The following PIK3C2G variants were observed in gnomAD, a reference collection of about 807,000 sequenced individuals.
PIK3C2G encodes the protein phosphatidylinositol 3-kinase C2 domain-containing subunit gamma.
Under a neutral mutation model 181.1 loss-of-function variants are expected in PIK3C2G, and 168 were observed. The observed-to-expected ratio is 0.93, with a 90% CI of 0.82 to 1.05. The LOEUF (loss-of-function observed/expected upper bound fraction) is 1.05, where lower values mean the gene tolerates loss of function less well. PIK3C2G is among the 50% of genes least tolerant of loss of function. The pLI, the probability that PIK3C2G is intolerant of heterozygous loss-of-function variation, is 0.00. For synonymous variants in PIK3C2G, 573 were observed against 592.2 expected, an observed-to-expected ratio of 0.97 and a Z score of 0.47; for missense variants, 1,869 against 1,732.8, an observed-to-expected ratio of 1.08 and a Z score of -1.40.
At chr12:18,255,055 C>T (rs1948130452) in intron 1 of PIK3C2G, among the ~76,000 whole-genome samples, 1 of 151,394 alleles carries the variant, frequency 6.6e-6, no homozygotes, top group Admixed American at 6.6e-5. Flanking sequence ...ATGGTGAAAC[C>T]CCGTCTGTAC....
chr12:18,568,689 A>G (rs1945769887), intron 29 of PIK3C2G, among the ~76,000 whole-genome samples: 1 of 152,156 alleles, frequency 6.6e-6, no homozygotes, highest in Non-Finnish European at 1.5e-5. Flanking sequence ...CATCCAAAAA[A>G]ACACTTTCAC....
At chr12:18,451,142 A>G (rs991716812) in intron 18 of PIK3C2G, among the ~76,000 whole-genome samples, 1 of 152,212 alleles carries the variant, frequency 6.6e-6, no homozygotes, top group African/African-American at 2.4e-5. Context: ...TGGGAATAAC[A>G]TTGAATCTAC....
intron 18 of PIK3C2G, among the ~76,000 whole-genome samples, chr12:18,475,137 A>G (rs1484244272): frequency 6.6e-6 from 1 of 152,232 alleles, no homozygotes; most frequent in South Asian, 2.1e-4. Flanking sequence ...AGCCACCGAT[A>G]GATTATTATA....
chr12:18,290,831 T>C, intron 3 of PIK3C2G, 24 bp from the exon 4 acceptor site: 1 of 1,513,148 alleles, frequency 6.6e-7, no homozygotes, highest in Non-Finnish European at 9.1e-7. Flanking sequence ...GTCCTAAGTA[T>C]TTTTCTTAAC....
chr12:18,381,727 G>C, intron 13 of PIK3C2G, 39 bp from the exon 14 acceptor site: 1 of 1,158,750 alleles, frequency 8.6e-7, no homozygotes, highest in Non-Finnish European at 1.3e-6. Flanking sequence ...CCCTCATGAA[G>C]TGACTCCTGT....
chr12:18,365,335 C>T (rs1029262103), intron 12 of PIK3C2G, among the ~76,000 whole-genome samples: 1 of 152,220 alleles, frequency 6.6e-6, no homozygotes, highest in African/African-American at 2.4e-5. Context: ...CATTTCTTTT[C>T]TCTGCTTTGT....
rs574044607 is a variant in PIK3C2G, at chr12:18,248,681, T to C, written c.-79+599T>C. On this transcript the variant is annotated intron_variant, in intron 1 of 11. Transcript: ENST00000535651. ...TGCTCCTTAAGATCATCATATTTCT[T>C]ATGTATGTAAAGTCATTTATATATG... 6.6e-5 allele frequency among the ~76,000 whole-genome samples: 10 copies of C among 152,334 alleles called. No individual in the cohort carries two copies. The South Asian group carries it at 2.1e-3, about 32-fold the overall frequency.
the PIK3C2G span, among the ~76,000 whole-genome samples, chr12:18,667,006 A>G: frequency 1.3e-5 from 2 of 152,188 alleles, no homozygotes; most frequent in Non-Finnish European, 2.9e-5. Flanking sequence ...AACTAAAAAT[A>G]CCGTTTCTCA....
chr12:18,693,652 A>G, the PIK3C2G span: 1 of 1,565,730 alleles, frequency 6.4e-7, no homozygotes, highest in African/African-American at 1.4e-5. Flanking sequence ...CCATTGGGAC[A>G]AAAAGATATG....
At chr12:18,461,041 A>C (rs1947893200) in intron 18 of PIK3C2G, among the ~76,000 whole-genome samples, 1 of 152,160 alleles carries the variant, frequency 6.6e-6, no homozygotes, top group African/African-American at 2.4e-5. Context: ...AGTGTACCTC[A>C]GTGGTAAATA....
intron 11 of PIK3C2G, chr12:18,359,091 A>C (rs1204898750): frequency 1.3e-5 from 2 of 152,172 alleles, no homozygotes; most frequent in Admixed American, 1.3e-4. Context: ...GGTGGATCTC[A>C]ATGGCAGCCA....
At chr12:18,430,192 T>C (rs999339068) in intron 18 of PIK3C2G, among the ~76,000 whole-genome samples, 1 of 152,212 alleles carries the variant, frequency 6.6e-6, no homozygotes, top group Admixed American at 6.5e-5. Flanking sequence ...TATGTGTTTT[T>C]AGAAACTGGA....
At chr12:18,320,654 A>C (rs1373336695) in intron 6 of PIK3C2G, among the ~76,000 whole-genome samples, 1 of 152,232 alleles carries the variant, frequency 6.6e-6, no homozygotes, top group Non-Finnish European at 1.5e-5. Context: ...ATGTGGGAGA[A>C]CTGGTGGCAA....
chr12:18,533,951 T>C (rs1425314320), intron 24 of PIK3C2G, among the ~76,000 whole-genome samples: 2 of 138,566 alleles, frequency 1.4e-5, no homozygotes, highest in South Asian at 4.9e-4. Flanking sequence ...CTTTTTTTTT[T>C]TTTTTTTTTT....
intron 18 of PIK3C2G, among the ~76,000 whole-genome samples, chr12:18,442,158 T>G (rs1193497148): frequency 3.9e-5 from 6 of 151,920 alleles, no homozygotes; most frequent in African/African-American, 1.5e-4. Context: ...GCATCAATGA[T>G]ATTTAAATGA....
At chr12:18,602,034 C>G (rs1168368403) in intron 30 of PIK3C2G, among the ~76,000 whole-genome samples, 1 of 152,114 alleles carries the variant, frequency 6.6e-6, no homozygotes, top group Non-Finnish European at 1.5e-5. Context: ...CTAGAAGCCT[C>G]CTGGCCAGAA....
intron 15 of PIK3C2G, among the ~76,000 whole-genome samples, chr12:18,398,158 G>T (rs574857873): frequency 2.9e-4 from 44 of 152,240 alleles, no homozygotes; most frequent in African/African-American, 1.0e-3. Flanking sequence ...TAGGAGTGTG[G>T]TTGTTATCTG....
intron 8 of PIK3C2G, 127 bp downstream of exon 8, chr12:18,325,225 G>T (rs898327573): frequency 9.9e-6 from 6 of 608,792 alleles, no homozygotes; most frequent in African/African-American, 1.9e-5. Context: ...CACTTGAAAG[G>T]CTTTCATTTC....
the PIK3C2G span, among the ~76,000 whole-genome samples, chr12:18,680,521 A>G: frequency 1.3e-5 from 2 of 152,030 alleles, no homozygotes; most frequent in Non-Finnish European, 2.9e-5. Flanking sequence ...AAAAGTCCAG[A>G]TAAGTCTGGG....
Sources: gnomAD v4.1 joint callset for allele counts (sites outside exome capture counted in the v4.1 genomes callset) on GRCh38, gnomAD v4.1.1 for gene constraint, MANE v1.5 for transcripts, NCBI Gene and HGNC (gene_info 2026-07-23, HGNC 2026-07-21) for gene names.